OLFM3: variants seen among roughly 807,000 people sequenced by gnomAD.
OLFM3 encodes noelin-3.
Under a neutral mutation model 48.6 loss-of-function variants are expected in OLFM3, and 20 were observed. That is an observed-to-expected ratio of 0.41 (90% CI 0.29 to 0.60). The LOEUF (loss-of-function observed/expected upper bound fraction) is 0.60, where lower values mean the gene tolerates loss of function less well. OLFM3 is among the 20% of genes least tolerant of loss of function. The pLI is 0.28. For synonymous variants in OLFM3, 222 were observed against 198.1 expected (o/e 1.12, Z -1.01); for missense variants, 437 against 544.3 (o/e 0.80, Z 1.96).
chr1:101,966,317 T>TTGTGTGTGTGTGTGTGTGTGTG (rs60173488), intron 1 of OLFM3, among the ~76,000 whole-genome samples: 2 of 128,062 alleles, frequency 1.6e-5, no homozygotes, highest in Non-Finnish European at 3.3e-5. Flanking sequence ...CCTGGCTAAT[T>TTGTGTGTGTGTGTGTGTGTGTG]TGTGTGTGTG....
chr1:101,921,116 T>C (rs1659079688), intron 1 of OLFM3, among the ~76,000 whole-genome samples: 3 of 151,872 alleles, frequency 2.0e-5, no homozygotes, highest in Admixed American at 1.3e-4. Context: ...TAGTTAATAA[T>C]AATTACAATA....
At chr1:101,863,651 T>C (rs764653750) in intron 1 of OLFM3, among the ~76,000 whole-genome samples, 9 of 152,196 alleles carry the variant, frequency 5.9e-5, no homozygotes, top group Non-Finnish European at 1.0e-4. Context: ...TCAATATATT[T>C]TCCCTTATAG....
At chr1:101,948,159 T>A (rs986252975) in intron 1 of OLFM3, among the ~76,000 whole-genome samples, 3 of 152,192 alleles carry the variant, frequency 2.0e-5, no homozygotes, top group Non-Finnish European at 4.4e-5. Flanking sequence ...CAATTACTGA[T>A]AAAACAAAAA....
intron 1 of OLFM3, among the ~76,000 whole-genome samples, chr1:101,886,908 T>C (rs1369826067): frequency 6.6e-6 from 1 of 152,110 alleles, no homozygotes; most frequent in Non-Finnish European, 1.5e-5. Context: ...CTGGGTATAA[T>C]AAGGTAAATA....
At chr1:101,865,824 A>G (rs1557707798) in intron 1 of OLFM3, among the ~76,000 whole-genome samples, 2 of 152,326 alleles carry the variant, frequency 1.3e-5, no homozygotes, top group South Asian at 4.1e-4. Context: ...ATTATATAAC[A>G]TTTAACTCTA....
chr1:101,874,472 T>C (rs1310952582), intron 1 of OLFM3, among the ~76,000 whole-genome samples: 2 of 148,454 alleles, frequency 1.3e-5, no homozygotes, highest in African/African-American at 4.9e-5. Flanking sequence ...CTTTACAGTA[T>C]AATAAGAATT....
chr1:101,945,782 T>C (rs967328351), intron 1 of OLFM3, among the ~76,000 whole-genome samples: 18 of 152,036 alleles, frequency 1.2e-4, no homozygotes, highest in Non-Finnish European at 2.5e-4. Context: ...ACACCTTCTA[T>C]AGTAAAAGAA....
At chr1:101,953,204 A>G (rs1251994228) in intron 1 of OLFM3, among the ~76,000 whole-genome samples, 1 of 152,156 alleles carries the variant, frequency 6.6e-6, no homozygotes, top group East Asian at 1.9e-4. Flanking sequence ...GACTACTAGA[A>G]TATGTCAAAT....
chr1:101,854,312 C>T (rs1179553376), intron 1 of OLFM3, among the ~76,000 whole-genome samples: 1 of 151,912 alleles, frequency 6.6e-6, no homozygotes, highest in Non-Finnish European at 1.5e-5. Flanking sequence ...TCAATATTGT[C>T]TTAAAAGTAC....
intron 1 of OLFM3, among the ~76,000 whole-genome samples, chr1:101,972,607 A>T (rs1660835883): frequency 1.3e-5 from 2 of 152,210 alleles, no homozygotes; most frequent in South Asian, 2.1e-4. Flanking sequence ...AATATCTTAG[A>T]TAACATTATA....
chr1:101,812,782 A>T, intron 4 of OLFM3: 6 of 989,244 alleles, frequency 6.1e-6, no homozygotes, highest in Non-Finnish European at 7.2e-6. Context: ...TTGGGTGACC[A>T]TGGTAAAGTG....
intron 1 of OLFM3, among the ~76,000 whole-genome samples, chr1:101,886,774 A>G (rs1426648142): frequency 6.6e-6 from 1 of 152,134 alleles, no homozygotes; most frequent in African/African-American, 2.4e-5. Flanking sequence ...GGTTTGTTGC[A>G]CAGCAATAGA....
At chr1:101,888,338 T>C (rs556819767) in intron 1 of OLFM3, among the ~76,000 whole-genome samples, 1 of 152,122 alleles carries the variant, frequency 6.6e-6, no homozygotes, top group Admixed American at 6.6e-5. Flanking sequence ...CCCTCAGAAA[T>C]AACATCACAC....
intron 1 of OLFM3, among the ~76,000 whole-genome samples, chr1:101,981,122 GC>G (rs1285382413): frequency 6.6e-6 from 1 of 152,078 alleles, no homozygotes; most frequent in Non-Finnish European, 1.5e-5. Flanking sequence ...AGTGTGAAAA[GC>G]TGTCCTCCTT....
At chr1:101,825,332 T>C in intron 3 of OLFM3, 87 bp from the exon 4 acceptor site, 1 of 1,011,722 alleles carries the variant, frequency 9.9e-7, no homozygotes, top group East Asian at 2.6e-5. Context: ...TAAAGGAAAT[T>C]ATTAAAACAG....
chr1:101,957,129 A>T (rs573653937), intron 1 of OLFM3, among the ~76,000 whole-genome samples: 2 of 152,088 alleles, frequency 1.3e-5, no homozygotes, highest in East Asian at 3.9e-4. Context: ...TTGGTATTCA[A>T]TGTTCATTGA....
intron 1 of OLFM3, among the ~76,000 whole-genome samples, chr1:101,981,367 A>G (rs539754061): frequency 6.6e-6 from 1 of 152,266 alleles, no homozygotes; most frequent in Admixed American, 6.5e-5. Flanking sequence ...TTTAAAACAA[A>G]TCTCTCATGT....
At chr1:101,834,340 A>T (rs762266196) in intron 2 of OLFM3, among the ~76,000 whole-genome samples, 1 of 152,250 alleles carries the variant, frequency 6.6e-6, no homozygotes, top group Non-Finnish European at 1.5e-5. Flanking sequence ...AGTAGATACA[A>T]AATATAATAC....
intron 4 of OLFM3, among the ~76,000 whole-genome samples, chr1:101,817,286 T>G (rs1185334017): frequency 1.3e-5 from 2 of 152,138 alleles, no homozygotes; most frequent in Non-Finnish European, 2.9e-5. Flanking sequence ...TTAGGAGTCT[T>G]GCTTCATTGA....
Sources: allele counts gnomAD v4.1 joint callset (sites outside exome capture counted in the v4.1 genomes callset), GRCh38; gene constraint gnomAD v4.1.1; transcripts MANE v1.5; gene names NCBI Gene and HGNC (gene_info 2026-07-23, HGNC 2026-07-21).